CWC27: variants seen among roughly 807,000 people sequenced by gnomAD.
The protein encoded by CWC27 is CWC27 spliceosome associated cyclophilin.
A neutral mutation model predicts 63.6 loss-of-function variants in CWC27; 47 were observed. The observed-to-expected ratio is 0.74, with a 90% confidence interval of 0.58 to 0.94. The LOEUF is 0.94. CWC27 is among the 40% of genes least tolerant of loss of function. The pLI, the probability that CWC27 is intolerant of heterozygous loss-of-function variation, is 0.00. For synonymous variants in CWC27, 175 were observed against 179.8 expected, an observed-to-expected ratio of 0.97 and a Z score of 0.22; for missense variants, 495 against 554.3, an observed-to-expected ratio of 0.89 and a Z score of 1.07.
chr5:64,817,056 G>A (rs1745055758), intron 10 of CWC27, among the ~76,000 whole-genome samples: 1 of 152,026 alleles, frequency 6.6e-6, no homozygotes, highest in Non-Finnish European at 1.5e-5. Flanking sequence ...TCTGTGTCCT[G>A]GTCCTCATAT....
intron 11 of CWC27, among the ~76,000 whole-genome samples, chr5:64,912,189 C>T (rs967777005): frequency 6.6e-6 from 1 of 151,974 alleles, no homozygotes; most frequent in African/African-American, 2.4e-5. Flanking sequence ...ATTGCCAGTG[C>T]CTTTAGGCAC....
At chr5:64,843,893 A>G (rs1392928060) in intron 10 of CWC27, among the ~76,000 whole-genome samples, 2 of 152,136 alleles carry the variant, frequency 1.3e-5, no homozygotes, top group African/African-American at 4.8e-5. Flanking sequence ...CTCAAGCTCC[A>G]CTTCCATGCC....
At chr5:65,008,296 G>A (rs1274268858) in intron 13 of CWC27, among the ~76,000 whole-genome samples, 3 of 152,274 alleles carry the variant, frequency 2.0e-5, no homozygotes, top group African/African-American at 7.2e-5. Context: ...TCTAAAAATA[G>A]TCTATTAAAA....
chr5:64,780,797 A>G (rs913544645), intron 2 of CWC27, among the ~76,000 whole-genome samples: 1 of 151,920 alleles, frequency 6.6e-6, no homozygotes, highest in Non-Finnish European at 1.5e-5. Flanking sequence ...CAGCAATGTA[A>G]AAGGGTTCCA....
At chr5:64,775,199 T>C (rs1291527405) in intron 2 of CWC27, among the ~76,000 whole-genome samples, 1 of 152,172 alleles carries the variant, frequency 6.6e-6, no homozygotes, top group African/African-American at 2.4e-5. Flanking sequence ...AATTTACATA[T>C]CTAATTGCCT....
At chr5:64,959,839 A>T (rs1219936138) in intron 11 of CWC27, among the ~76,000 whole-genome samples, 1 of 152,228 alleles carries the variant, frequency 6.6e-6, no homozygotes, top group Non-Finnish European at 1.5e-5. Context: ...TATTTAGCAC[A>T]TACTATATGC....
chr5:64,857,175 A>G (rs1746275879), intron 10 of CWC27, among the ~76,000 whole-genome samples: 1 of 152,162 alleles, frequency 6.6e-6, no homozygotes, highest in Non-Finnish European at 1.5e-5. Context: ...TATTAGTTTA[A>G]ATTTCAGTAT....
chr5:64,907,836 G>C (rs1747688089), intron 11 of CWC27, among the ~76,000 whole-genome samples: 1 of 149,876 alleles, frequency 6.7e-6, no homozygotes, highest in Admixed American at 6.6e-5. Flanking sequence ...ATATGTCCCA[G>C]CTCCTGGATT....
intron 11 of CWC27, among the ~76,000 whole-genome samples, chr5:64,902,273 G>C (rs925424042): frequency 6.6e-6 from 1 of 152,216 alleles, no homozygotes; most frequent in Non-Finnish European, 1.5e-5. Flanking sequence ...GTTGCTCTAC[G>C]AAATTATCAT....
intron 13 of CWC27, among the ~76,000 whole-genome samples, chr5:65,006,960 C>CAGAAAGAAAGAAAGAAAGAA (rs200204473): frequency 1.7e-5 from 2 of 121,116 alleles, no homozygotes; most frequent in South Asian, 3.0e-4. Context: ...TTTAAAAAGA[C>CAGAAAGAAAGAAAGAAAGAA]AGAAAGAAAG....
chr5:64,906,013 CT>C (rs202198554), intron 11 of CWC27, among the ~76,000 whole-genome samples: 14,449 of 151,932 alleles, frequency 0.095, 2,093 homozygotes, highest in African/African-American at 0.31. Context: ...TGAACTCATC[CT>C]TTTTTTATGG....
chr5:64,895,752 CAAAG>C (rs988219778), intron 11 of CWC27, among the ~76,000 whole-genome samples: 69 of 152,014 alleles, frequency 4.5e-4, no homozygotes, highest in African/African-American at 1.3e-3. Context: ...GATTTAAAAA[CAAAG>C]AAGATATAGA....
Position 64,971,893 on chromosome 5 carries a change from A to G in CWC27, c.1152+81A>G, listed in dbSNP as rs142207950. ...GTGTTTCTAAATGGAGCCTAATTTG[A>G]TTATATATCAGGAGAAGCACTACCT... On this transcript the variant is annotated intron_variant, in intron 12 of 13. Coordinates refer to ENST00000381070, the MANE Select transcript of CWC27 (RefSeq NM_005869.4). The G allele has an allele frequency of 2.4e-3, 1,888 of 778,106 alleles. 9 individuals carry two copies. The highest frequency in any genetic ancestry group is 2.6e-3 in the Middle Eastern group (7 of 2,740). The allele number at this position is 778,106 out of a possible 1,614,324, so 48.2% of individuals were successfully genotyped here. A position where few individuals can be genotyped will look rare whatever the true frequency, so the allele number is the denominator to read the frequency against.
At chr5:65,007,049 GT>G (rs1749861099) in intron 13 of CWC27, among the ~76,000 whole-genome samples, 1 of 152,072 alleles carries the variant, frequency 6.6e-6, no homozygotes, top group Non-Finnish European at 1.5e-5. Context: ...TAATTTTGCA[GT>G]GTAGAAACCT....
chr5:64,796,841 TTCCC>T (rs1290881939), intron 7 of CWC27, among the ~76,000 whole-genome samples: 6 of 83,462 alleles, frequency 7.2e-5, no homozygotes, highest in Non-Finnish European at 1.4e-4. Flanking sequence ...TCCTTCCTTC[TTCCC>T]TCCCTCCCTC....
intron 10 of CWC27, among the ~76,000 whole-genome samples, chr5:64,825,876 T>C (rs1745343055): frequency 6.6e-6 from 1 of 152,212 alleles, no homozygotes; most frequent in Non-Finnish European, 1.5e-5. Context: ...ACAGATAATC[T>C]GGGGACCTGG....
chr5:64,835,840 A>G (rs1745646922), intron 10 of CWC27, among the ~76,000 whole-genome samples: 1 of 151,840 alleles, frequency 6.6e-6, no homozygotes, highest in Non-Finnish European at 1.5e-5. Flanking sequence ...AAAGGACTTG[A>G]GTCTTGTCAT....
At chr5:64,809,307 A>G (rs1414996299) in intron 10 of CWC27, among the ~76,000 whole-genome samples, 3 of 152,216 alleles carry the variant, frequency 2.0e-5, no homozygotes, top group Non-Finnish European at 4.4e-5. Flanking sequence ...AACATTAAAA[A>G]TGTATTCTTT....
intron 10 of CWC27, among the ~76,000 whole-genome samples, chr5:64,873,345 AAAC>A (rs1360205251): frequency 2.6e-5 from 4 of 152,082 alleles, no homozygotes; most frequent in Non-Finnish European, 4.4e-5. Context: ...TTAAGTAACA[AAAC>A]AACATTCCTT....
Sources: allele counts gnomAD v4.1 joint callset (sites outside exome capture counted in the v4.1 genomes callset), GRCh38; gene constraint gnomAD v4.1.1; transcripts MANE v1.5; gene names NCBI Gene and HGNC (gene_info 2026-07-23, HGNC 2026-07-21).